The following RGS8 variants were observed in gnomAD, a reference collection of about 807,000 sequenced individuals.
RGS8 encodes the protein regulator of G-protein signaling 8.
RGS8 carries 8 observed loss-of-function variants against 21.7 expected under a neutral mutation model. The observed-to-expected ratio is 0.37, with a 90% CI of 0.22 to 0.66. The LOEUF (loss-of-function observed/expected upper bound fraction) is 0.66. RGS8 is among the 30% of genes least tolerant of loss of function. The pLI is 0.59. For missense variants in RGS8, 157 were observed against 217.9 expected, an observed-to-expected ratio of 0.72 and a Z score of 1.76; for synonymous variants, 80 against 83.6, an observed-to-expected ratio of 0.96 and a Z score of 0.24.
In RGS8 at chr1:182,671,674, C is replaced by A. The variant is rs746512724; in HGVS notation, c.-121G>T. On this transcript the variant is annotated 5_prime_UTR_variant, in exon 2 of 7. The change abolishes an upstream ATG in the 5' untranslated region. Coordinates refer to ENST00000483095, the Ensembl canonical transcript of RGS8. The stretch of plus-strand genomic sequence containing the variant: ...ATACTCACTGTCTTTGGCCAGTCCT[C>A]ATGGCCTGAGGGTCTTTGCCAACTG... 3.7e-6 allele frequency: 6 copies of A among 1,614,222 alleles called. No individual in the cohort carries two copies. In the Admixed American group the frequency reaches 1.0e-4, roughly 27 times the overall value.
chr1:182,673,807 A>G (rs1664268269), upstream of RGS8, among the ~76,000 whole-genome samples: 1 of 152,228 alleles, frequency 6.6e-6, no homozygotes, highest in African/African-American at 2.4e-5. Flanking sequence ...TTGTACACAG[A>G]TAAACTGGTG....
chr1:182,726,200 A>C, the RGS8 span, among the ~76,000 whole-genome samples: 2 of 151,420 alleles, frequency 1.3e-5, no homozygotes, highest in African/African-American at 2.4e-5. Flanking sequence ...AAAAAAAAAA[A>C]CTTCAGGTTT....
chr1:182,671,816 A>T (rs943258266), intron 1 of RGS8, 86 bp from the exon 3 acceptor site: 2 of 1,602,802 alleles, frequency 1.2e-6, no homozygotes, highest in African/African-American at 1.3e-5. Context: ...GGGCACACAC[A>T]CACATATACA....
At chr1:182,735,202 G>A in the RGS8 span, among the ~76,000 whole-genome samples, 3 of 152,200 alleles carry the variant, frequency 2.0e-5, no homozygotes, top group South Asian at 6.2e-4. Flanking sequence ...TTTTTTAAAA[G>A]CACTTATTTA....
Position 182,666,992 on chromosome 1 carries a change from C to A in RGS8, c.27-19G>T, listed in dbSNP as rs1663897591. 2 of 1,588,176 alleles carry A rather than the reference C, an allele frequency of 1.3e-6. No individual in the cohort carries two copies. Among genetic ancestry groups the A allele is most frequent in the Non-Finnish European group, 8.6e-7 (1 of 1,156,626 alleles). On this transcript the variant is annotated intron_variant, in intron 3 of 6. Coordinates refer to ENST00000483095, the Ensembl canonical transcript of RGS8. ...TTTGTTCCTGCAACAAGCACAGGGG[C>A]AGAAGGACGGGGAAACTCTCATGAT...
At chr1:182,674,183 C>T (rs1357609896), upstream of RGS8, among the ~76,000 whole-genome samples, 6 of 152,188 alleles carry the variant, frequency 3.9e-5, no homozygotes, top group Non-Finnish European at 8.8e-5. Flanking sequence ...CTCACGCTGC[C>T]CCGGCCAGTG....
At chr1:182,742,771 C>CAGGGACAGGGACAGGGAG in the RGS8 span, among the ~76,000 whole-genome samples, 1 of 151,756 alleles carries the variant, frequency 6.6e-6, no homozygotes, top group Non-Finnish European at 1.5e-5. Flanking sequence ...GGGACAGGGA[C>CAGGGACAGGGACAGGGAG]AGGGAGAGGG....
At chr1:182,722,013 C>T in the RGS8 span, among the ~76,000 whole-genome samples, 2 of 152,166 alleles carry the variant, frequency 1.3e-5, no homozygotes, top group South Asian at 2.1e-4. Context: ...CAAAATCAAA[C>T]GTATCAGAAT....
intron 1 of RGS8, among the ~76,000 whole-genome samples, chr1:182,683,058 G>T (rs949244259): frequency 6.6e-6 from 1 of 152,188 alleles, no homozygotes; most frequent in Non-Finnish European, 1.5e-5. Flanking sequence ...CAAAGAAGAA[G>T]CTAGAAGGAT....
chr1:182,680,380 C>T (rs1664500642), intron 1 of RGS8, among the ~76,000 whole-genome samples: 1 of 152,106 alleles, frequency 6.6e-6, no homozygotes, highest in Non-Finnish European at 1.5e-5. Flanking sequence ...GGCTTTGGGC[C>T]TCCTTTATTT....
the RGS8 span, among the ~76,000 whole-genome samples, chr1:182,741,031 G>A: frequency 2.6e-5 from 4 of 151,470 alleles, no homozygotes; most frequent in African/African-American, 7.3e-5. Flanking sequence ...CTACAAAACC[G>A]CCATTGTCAT....
chr1:182,664,295 C>G (rs374072158), intron 5 of RGS8, among the ~76,000 whole-genome samples: 1 of 150,974 alleles, frequency 6.6e-6, no homozygotes, highest in Non-Finnish European at 1.5e-5. Context: ...AAAAAAAAAA[C>G]CCACCATATC....
chr1:182,646,587 T>A (rs1662710162), exon 7 of RGS8: 1 of 687,796 alleles, frequency 1.5e-6, no homozygotes, highest in African/African-American at 1.8e-5. Flanking sequence ...GGTCATACTT[T>A]GGAATGGCCC....
the RGS8 span, among the ~76,000 whole-genome samples, chr1:182,741,253 C>T: frequency 5.1e-5 from 7 of 135,980 alleles, no homozygotes; most frequent in East Asian, 1.2e-3. Flanking sequence ...TCCCAGTAGG[C>T]GCGGCCGGGC....
At chr1:182,658,330 T>C (rs1398602060) in intron 5 of RGS8, 1 of 152,206 alleles carries the variant, frequency 6.6e-6, no homozygotes, top group Non-Finnish European at 1.5e-5. Context: ...GGAGCACTGA[T>C]GTAGCTGGCA....
At chr1:182,732,945 G>A in the RGS8 span, among the ~76,000 whole-genome samples, 1 of 152,190 alleles carries the variant, frequency 6.6e-6, no homozygotes, top group Admixed American at 6.5e-5. Flanking sequence ...ACAAAGCAAA[G>A]CCATCACAGC....
chr1:182,747,080 T>TTTTTTTTTTTG, the RGS8 span, among the ~76,000 whole-genome samples: 2 of 125,740 alleles, frequency 1.6e-5, no homozygotes, highest in African/African-American at 6.4e-5. Flanking sequence ...TTTTTTTTTT[T>TTTTTTTTTTTG]GTAGAGATGG....
the RGS8 span, among the ~76,000 whole-genome samples, chr1:182,722,792 C>T: frequency 1.4e-4 from 22 of 152,002 alleles, no homozygotes; most frequent in African/African-American, 4.8e-4. Context: ...CTGGCTAACA[C>T]GGTGAAACCC....
upstream of RGS8, among the ~76,000 whole-genome samples, chr1:182,688,046 T>C (rs600139): frequency 1.4e-3 from 207 of 152,366 alleles, 1 homozygote; most frequent in African/African-American, 4.5e-3. Context: ...CTGGTAGAGG[T>C]AAGGCTTTAG....
Sources: allele counts gnomAD v4.1 joint callset (sites outside exome capture counted in the v4.1 genomes callset), GRCh38; gene constraint gnomAD v4.1.1; transcripts MANE v1.5; gene names NCBI Gene and HGNC (gene_info 2026-07-23, HGNC 2026-07-21).